Variants in CDH18 observed in about 807,000 individuals in gnomAD.
CDH18 encodes the protein cadherin-18.
Under a neutral mutation model 67.9 loss-of-function variants are expected in CDH18, and 31 were observed. That is an observed-to-expected ratio of 0.46 (90% CI 0.34 to 0.62). CDH18 has a LOEUF of 0.62. CDH18 is among the 20% of genes least tolerant of loss of function. The pLI is 0.01. For missense variants in CDH18, 890 were observed against 975.5 expected (o/e 0.91, Z 1.17); for synonymous variants, 362 against 347.2 (o/e 1.04, Z -0.48).
intron 2 of CDH18, among the ~76,000 whole-genome samples, chr5:20,233,330 T>G (rs750156073): frequency 4.0e-5 from 6 of 151,684 alleles, no homozygotes; most frequent in Non-Finnish European, 7.4e-5. Context: ...TCTTACACTG[T>G]TTTTCTCCTA....
At chr5:19,809,551 T>A (rs1778417890) in intron 3 of CDH18, among the ~76,000 whole-genome samples, 1 of 152,138 alleles carries the variant, frequency 6.6e-6, no homozygotes, top group Non-Finnish European at 1.5e-5. Flanking sequence ...GACTATATAC[T>A]CACCAGCTTT....
intron 2 of CDH18, among the ~76,000 whole-genome samples, chr5:20,199,615 G>A: frequency 6.6e-6 from 1 of 152,160 alleles, no homozygotes; most frequent in Admixed American, 6.5e-5. Flanking sequence ...TTGGGGGACT[G>A]TTGAGAAGGC....
chr5:19,943,156 C>T (rs1794983209), intron 2 of CDH18, among the ~76,000 whole-genome samples: 1 of 151,898 alleles, frequency 6.6e-6, no homozygotes, highest in Admixed American at 6.6e-5. Flanking sequence ...TGTGAGGTAC[C>T]CAGAGGGAAA....
intron 1 of CDH18, among the ~76,000 whole-genome samples, chr5:20,555,965 G>T (rs138688483): frequency 6.6e-6 from 1 of 152,160 alleles, no homozygotes; most frequent in Admixed American, 6.5e-5. Context: ...TGGAAATCCT[G>T]CATAGAGTAC....
intron 8 of CDH18, among the ~76,000 whole-genome samples, chr5:19,554,688 C>T (rs145251715): frequency 1.3e-3 from 201 of 152,088 alleles, no homozygotes; most frequent in African/African-American, 4.7e-3. Context: ...GCACACCTTC[C>T]CAGAACACAG....
chr5:20,252,883 C>A (rs1214848435), intron 2 of CDH18, among the ~76,000 whole-genome samples: 2 of 151,572 alleles, frequency 1.3e-5, no homozygotes, highest in Non-Finnish European at 2.9e-5. Flanking sequence ...TTGTAGTGAG[C>A]CGAGATTGTG....
rs548236077 is a variant in CDH18, at chr5:19,860,385, T to C, written c.-256-21143A>G. 2.0e-4 allele frequency among the ~76,000 whole-genome samples: 31 copies of C among 151,878 alleles called. 1 individual carries two copies. Among genetic ancestry groups the C allele is most frequent in the African/African-American group, 6.0e-4 (25 of 41,508 alleles). On this transcript the variant is annotated intron_variant, in intron 2 of 12. Coordinates refer to ENST00000382275, the MANE Select transcript of CDH18 (RefSeq NM_004934.5). The stretch of plus-strand genomic sequence containing the variant: ...AAGTTTATCTCAAACTCATCACTTC[T>C]AAATAATCTTCCCTTATTTTTTCTC...
At chr5:19,957,728 GA>G (rs1208041431) in intron 2 of CDH18, among the ~76,000 whole-genome samples, 2 of 151,910 alleles carry the variant, frequency 1.3e-5, no homozygotes, top group Non-Finnish European at 2.9e-5. Context: ...GTCCAATCGA[GA>G]AGAATTATAT....
chr5:19,828,011 A>T (rs538958257), intron 3 of CDH18, among the ~76,000 whole-genome samples: 2 of 152,192 alleles, frequency 1.3e-5, no homozygotes, highest in Non-Finnish European at 2.9e-5. Flanking sequence ...AAAGATCCAT[A>T]TAAACACAAT....
At chr5:19,600,165 C>T (rs1746866211) in intron 6 of CDH18, among the ~76,000 whole-genome samples, 1 of 137,530 alleles carries the variant, frequency 7.3e-6, no homozygotes, top group Non-Finnish European at 1.5e-5. Context: ...AACACTTGGA[C>T]ACAGGAAGGG....
chr5:19,850,986 C>T (rs1217004726), intron 2 of CDH18, among the ~76,000 whole-genome samples: 2 of 151,678 alleles, frequency 1.3e-5, no homozygotes, highest in Non-Finnish European at 2.9e-5. Flanking sequence ...GAATATATCA[C>T]CTGGTTGCAA....
At chr5:19,956,686 G>A (rs1311374160) in intron 2 of CDH18, among the ~76,000 whole-genome samples, 1 of 151,582 alleles carries the variant, frequency 6.6e-6, no homozygotes, top group East Asian at 1.9e-4. Context: ...AATAGTTATT[G>A]CCTTCCAATT....
chr5:20,322,849 T>C (rs144277282), intron 1 of CDH18, among the ~76,000 whole-genome samples: 535 of 152,178 alleles, frequency 3.5e-3, no homozygotes, highest in Non-Finnish European at 5.0e-3. Context: ...CTAAAGAAAA[T>C]AGAATAATCA....
intron 1 of CDH18, among the ~76,000 whole-genome samples, chr5:20,322,960 G>T (rs950773679): frequency 3.3e-5 from 5 of 152,002 alleles, no homozygotes; most frequent in Admixed American, 2.0e-4. Context: ...TAAAAATCTA[G>T]ATAGAATATC....
intron 7 of CDH18, among the ~76,000 whole-genome samples, chr5:19,579,384 T>A (rs994503576): frequency 6.6e-6 from 1 of 151,898 alleles, no homozygotes; most frequent in Non-Finnish European, 1.5e-5. Flanking sequence ...TTTTTATGTA[T>A]GTGGATTTTT....
intron 1 of CDH18, among the ~76,000 whole-genome samples, chr5:20,569,262 T>C (rs1758676981): frequency 6.6e-6 from 1 of 152,158 alleles, no homozygotes; most frequent in African/African-American, 2.4e-5. Flanking sequence ...GTCAGAGACA[T>C]TAAAACATTT....
intron 2 of CDH18, among the ~76,000 whole-genome samples, chr5:19,951,153 T>A (rs10941550): frequency 0.43 from 64,840 of 151,952 alleles, 16,155 homozygotes; most frequent in Middle Eastern, 0.66. Context: ...CAAGACTCAA[T>A]GGAAAAGACT....
chr5:19,478,324 T>C (rs947070818), intron 12 of CDH18, among the ~76,000 whole-genome samples: 5 of 152,160 alleles, frequency 3.3e-5, no homozygotes, highest in African/African-American at 1.2e-4. Flanking sequence ...CATACCATCA[T>C]ATGTTGGCAC....
At chr5:20,169,711 G>A (rs1045704329) in intron 2 of CDH18, among the ~76,000 whole-genome samples, 2 of 151,940 alleles carry the variant, frequency 1.3e-5, no homozygotes, top group Non-Finnish European at 2.9e-5. Flanking sequence ...CATTATACAA[G>A]TCATTTAGGT....
Sources: gnomAD v4.1 joint callset for allele counts (sites outside exome capture counted in the v4.1 genomes callset) on GRCh38, gnomAD v4.1.1 for gene constraint, MANE v1.5 for transcripts, NCBI Gene and HGNC (gene_info 2026-07-23, HGNC 2026-07-21) for gene names.